Variants in LGSN observed in about 807,000 individuals in gnomAD.
LGSN encodes lengsin, lens protein with glutamine synthetase domain.
LGSN carries 21 observed loss-of-function variants against 19.5 expected under a neutral mutation model. The observed-to-expected ratio is 1.07, with a 90% CI of 0.76 to 1.55. The LOEUF (loss-of-function observed/expected upper bound fraction) is 1.55. Among genes scored for constraint, LGSN ranks in the 40% most tolerant of loss-of-function variants. The probability of loss-of-function intolerance (pLI) is 0.00; values close to 1 mark genes in which losing one functional copy is unlikely to be tolerated. For missense variants in LGSN, 673 were observed against 608.5 expected (o/e 1.11, Z -1.12); for synonymous variants, 257 against 215.6 (o/e 1.19, Z -1.68).
At chr6:63,556,602 G>A in the LGSN span, among the ~76,000 whole-genome samples, 1 of 152,196 alleles carries the variant, frequency 6.6e-6, no homozygotes, top group African/African-American at 2.4e-5. Flanking sequence ...TACCACAGGG[G>A]AAGTTAAGTC....
chr6:63,354,504 G>A, the LGSN span, among the ~76,000 whole-genome samples: 2 of 152,144 alleles, frequency 1.3e-5, no homozygotes, highest in African/African-American at 2.4e-5. Flanking sequence ...AGATGCTGGT[G>A]AGGATGCAAA....
At chr6:63,303,902 T>G (rs1445878054) in intron 1 of LGSN, among the ~76,000 whole-genome samples, 2 of 152,048 alleles carry the variant, frequency 1.3e-5, no homozygotes, top group African/African-American at 4.8e-5. Flanking sequence ...CCAGAGAACT[T>G]TCTCCCTTGA....
the LGSN span, among the ~76,000 whole-genome samples, chr6:63,479,286 A>AT: frequency 1.3e-5 from 2 of 152,232 alleles, no homozygotes; most frequent in Non-Finnish European, 2.9e-5. Flanking sequence ...AAAGGAAGTA[A>AT]TAGATGCTGG....
chr6:63,528,949 C>A, the LGSN span, among the ~76,000 whole-genome samples: 2 of 151,586 alleles, frequency 1.3e-5, no homozygotes, highest in African/African-American at 4.8e-5. Flanking sequence ...ATTAGCTGGG[C>A]GTGGTGGCAC....
chr6:63,394,352 C>T, the LGSN span, among the ~76,000 whole-genome samples: 4 of 152,126 alleles, frequency 2.6e-5, no homozygotes, highest in Non-Finnish European at 5.9e-5. Context: ...TGAAAGTGAC[C>T]TCTGGAGGTC....
the LGSN span, among the ~76,000 whole-genome samples, chr6:63,448,256 A>C: frequency 6.6e-6 from 1 of 152,236 alleles, no homozygotes. Context: ...AATATAAAAC[A>C]AAAAAGGCTC....
the LGSN span, among the ~76,000 whole-genome samples, chr6:63,375,455 A>C: frequency 6.6e-6 from 1 of 151,752 alleles, no homozygotes; most frequent in African/African-American, 2.4e-5. Flanking sequence ...AAATATTACT[A>C]CTAGTTTGCA....
chr6:63,517,838 T>A, the LGSN span, among the ~76,000 whole-genome samples: 1 of 152,096 alleles, frequency 6.6e-6, no homozygotes, highest in Non-Finnish European at 1.5e-5. Context: ...CAATAGTTTT[T>A]AAAAGAATCC....
the LGSN span, among the ~76,000 whole-genome samples, chr6:63,525,886 T>C: frequency 2.3e-3 from 348 of 152,330 alleles, 4 homozygotes; most frequent in Admixed American, 0.019. Context: ...AATGTTAATA[T>C]TTGAGTTCTA....
chr6:63,514,103 T>G, the LGSN span, among the ~76,000 whole-genome samples: 1 of 152,176 alleles, frequency 6.6e-6, no homozygotes, highest in Non-Finnish European at 1.5e-5. Context: ...CCACATCATT[T>G]GGTCCCTGGT....
At chr6:63,394,734 G>A in the LGSN span, among the ~76,000 whole-genome samples, 1 of 152,334 alleles carries the variant, frequency 6.6e-6, no homozygotes, top group East Asian at 1.9e-4. Flanking sequence ...CTTGGGGTCT[G>A]GATCAGGACC....
At chr6:63,513,693 CT>C in the LGSN span, among the ~76,000 whole-genome samples, 1 of 151,970 alleles carries the variant, frequency 6.6e-6, no homozygotes, top group South Asian at 2.1e-4. Context: ...GGTGGATCAT[CT>C]GAGGTCAGGA....
At chr6:63,295,676 T>C (rs1407812255) in intron 1 of LGSN, among the ~76,000 whole-genome samples, 1 of 152,132 alleles carries the variant, frequency 6.6e-6, no homozygotes, top group African/African-American at 2.4e-5. Flanking sequence ...CAAAACAAAA[T>C]AACCTAACTT....
chr6:63,531,399 A>AG, the LGSN span, among the ~76,000 whole-genome samples: 1 of 103,602 alleles, frequency 9.7e-6, no homozygotes, highest in Admixed American at 9.5e-5. Context: ...TTATTTGGAA[A>AG]GAAAAAACAT....
chr6:63,425,661 G>T, the LGSN span, among the ~76,000 whole-genome samples: 1 of 152,062 alleles, frequency 6.6e-6, no homozygotes, highest in Non-Finnish European at 1.5e-5. Flanking sequence ...GGCAACACAA[G>T]AGATCCTGGT....
chr6:63,361,799 A>AC, the LGSN span, among the ~76,000 whole-genome samples: 2 of 151,918 alleles, frequency 1.3e-5, no homozygotes, highest in African/African-American at 2.4e-5. Context: ...TCTTGGCTCC[A>AC]CCCCTACAAC....
chr6:63,317,334 C>T (rs1247090191), intron 1 of LGSN, among the ~76,000 whole-genome samples: 2 of 152,086 alleles, frequency 1.3e-5, no homozygotes, highest in Non-Finnish European at 2.9e-5. Flanking sequence ...CAGAGAAGTC[C>T]AATACTTTGC....
intron 1 of LGSN, among the ~76,000 whole-genome samples, chr6:63,299,617 A>G (rs546545802): frequency 6.6e-6 from 1 of 152,342 alleles, no homozygotes; most frequent in South Asian, 2.1e-4. Flanking sequence ...ATTGGGGGAA[A>G]GAAAAACTAT....
chr6:63,306,286 G>A (rs912376815), intron 1 of LGSN, among the ~76,000 whole-genome samples: 1 of 152,140 alleles, frequency 6.6e-6, no homozygotes, highest in Non-Finnish European at 1.5e-5. Flanking sequence ...TCAAATCTAA[G>A]TATTTTATTT....
Sources: gnomAD v4.1 joint callset for allele counts (sites outside exome capture counted in the v4.1 genomes callset) on GRCh38, gnomAD v4.1.1 for gene constraint, MANE v1.5 for transcripts, NCBI Gene and HGNC (gene_info 2026-07-23, HGNC 2026-07-21) for gene names.